The following OPCML variants were observed in gnomAD, a reference collection of about 807,000 sequenced individuals.
OPCML encodes the protein opioid binding protein/cell adhesion molecule like.
In OPCML, 13 loss-of-function variants were observed where a neutral mutation model predicts 37.8. The observed-to-expected ratio is 0.34, with a 90% CI of 0.22 to 0.55. The LOEUF (loss-of-function observed/expected upper bound fraction) is 0.55, where lower values mean the gene tolerates loss of function less well. Among genes scored for constraint, OPCML ranks in the 20% least tolerant of loss-of-function variants. OPCML has a pLI of 0.91. For missense variants in OPCML, 341 were observed against 435.6 expected (o/e 0.78, Z 1.93); for synonymous variants, 176 against 168.8 (o/e 1.04, Z -0.33).
chr11:133,084,741 C>A (rs1948793684), intron 1 of OPCML, among the ~76,000 whole-genome samples: 2 of 152,294 alleles, frequency 1.3e-5, no homozygotes, highest in South Asian at 4.1e-4. Flanking sequence ...AGTATGAGAT[C>A]ACCTGTTATA....
At chr11:133,524,216 C>T (rs1948446601) in intron 1 of OPCML, among the ~76,000 whole-genome samples, 1 of 152,176 alleles carries the variant, frequency 6.6e-6, no homozygotes, top group Admixed American at 6.5e-5. Context: ...TTCAGAATCC[C>T]ACAGCCATAC....
At chr11:133,202,976 G>A (rs149310423) in intron 1 of OPCML, among the ~76,000 whole-genome samples, 3 of 152,294 alleles carry the variant, frequency 2.0e-5, no homozygotes, top group Admixed American at 6.5e-5. Context: ...TGTCAGGGCC[G>A]AGCACGTGAC....
At chr11:132,898,652 TGGAGTCAGGAATCACAGAGTG>T (rs1237504290) in intron 2 of OPCML, among the ~76,000 whole-genome samples, 1 of 152,204 alleles carries the variant, frequency 6.6e-6, no homozygotes, top group Non-Finnish European at 1.5e-5. Context: ...TCAGGATACA[TGGAGTCAGGAATCACAGAGTG>T]GGAGTGTCAC....
At chr11:132,535,337 T>C (rs1210413671) in intron 3 of OPCML, among the ~76,000 whole-genome samples, 1 of 152,070 alleles carries the variant, frequency 6.6e-6, no homozygotes, top group Non-Finnish European at 1.5e-5. Flanking sequence ...TGTTTTCTTT[T>C]AGGGGGTGTC....
chr11:132,690,727 C>G (rs1943367779), intron 2 of OPCML, among the ~76,000 whole-genome samples: 1 of 152,144 alleles, frequency 6.6e-6, no homozygotes, highest in African/African-American at 2.4e-5. Flanking sequence ...TTCTGGGTTA[C>G]AGCATAAAAG....
intron 2 of OPCML, among the ~76,000 whole-genome samples, chr11:132,659,501 G>T (rs918067307): frequency 2.0e-5 from 3 of 152,144 alleles, no homozygotes; most frequent in Non-Finnish European, 4.4e-5. Context: ...TGTTCCAGTC[G>T]CTTCTAGTTG....
chr11:132,632,418 C>T (rs1940209570), intron 3 of OPCML, among the ~76,000 whole-genome samples: 1 of 151,994 alleles, frequency 6.6e-6, no homozygotes. Flanking sequence ...GAGGAGGTGA[C>T]ACTATTTCCA....
intron 1 of OPCML, among the ~76,000 whole-genome samples, chr11:133,529,437 T>C (rs1293806431): frequency 2.0e-5 from 3 of 152,184 alleles, no homozygotes; most frequent in Non-Finnish European, 4.4e-5. Context: ...ACTGTGCCTC[T>C]AGCATGACAA....
At chr11:132,618,094 A>T (rs548470576) in intron 3 of OPCML, among the ~76,000 whole-genome samples, 2 of 152,344 alleles carry the variant, frequency 1.3e-5, no homozygotes, top group Non-Finnish European at 2.9e-5. Context: ...ATATGCAGTT[A>T]TTCAGGAATA....
intron 2 of OPCML, among the ~76,000 whole-genome samples, chr11:132,866,983 G>A (rs1297138290): frequency 6.6e-6 from 1 of 152,174 alleles, no homozygotes; most frequent in Non-Finnish European, 1.5e-5. Flanking sequence ...AACAAGCCCA[G>A]GCTTAGACAG....
chr11:132,601,918 A>G (rs919427981), intron 3 of OPCML, among the ~76,000 whole-genome samples: 1 of 152,286 alleles, frequency 6.6e-6, no homozygotes, highest in Admixed American at 6.5e-5. Flanking sequence ...TCTTGTATCA[A>G]TATTTCCCTA....
intron 1 of OPCML, among the ~76,000 whole-genome samples, chr11:133,279,022 G>A (rs1232443007): frequency 3.3e-5 from 5 of 152,164 alleles, no homozygotes; most frequent in East Asian, 1.9e-4. Flanking sequence ...AAATGCTAGC[G>A]CTTAAACCTG....
At chr11:133,312,687 C>G (rs1174011989) in intron 1 of OPCML, among the ~76,000 whole-genome samples, 2 of 152,156 alleles carry the variant, frequency 1.3e-5, no homozygotes, top group Non-Finnish European at 2.9e-5. Flanking sequence ...CTTTACTTTC[C>G]CTTCTACTAC....
chr11:133,011,036 G>A (rs1947203036), intron 1 of OPCML, among the ~76,000 whole-genome samples: 1 of 152,222 alleles, frequency 6.6e-6, no homozygotes, highest in African/African-American at 2.4e-5. Context: ...TAGGTAAACT[G>A]TTGCAAGTTG....
chr11:133,165,910 G>A (rs1310581036), intron 1 of OPCML, among the ~76,000 whole-genome samples: 2 of 152,190 alleles, frequency 1.3e-5, no homozygotes, highest in Non-Finnish European at 2.9e-5. Flanking sequence ...CTCAATAAAA[G>A]CAATTGAAGA....
At chr11:133,203,308 A>T (rs1470760344) in intron 1 of OPCML, among the ~76,000 whole-genome samples, 1 of 152,264 alleles carries the variant, frequency 6.6e-6, no homozygotes, top group African/African-American at 2.4e-5. Context: ...GCAGAGACCT[A>T]GAGTAGATTC....
chr11:132,787,571 A>C (rs1419720261), intron 2 of OPCML, among the ~76,000 whole-genome samples: 5 of 152,102 alleles, frequency 3.3e-5, no homozygotes, highest in African/African-American at 1.2e-4. Flanking sequence ...TAAAAAAAAA[A>C]GAGTACTTTG....
chr11:133,379,439 A>T (rs1398044486), intron 1 of OPCML, among the ~76,000 whole-genome samples: 1 of 152,176 alleles, frequency 6.6e-6, no homozygotes, highest in Non-Finnish European at 1.5e-5. Flanking sequence ...GCTCATCAGG[A>T]AATTTTGTGA....
intron 1 of OPCML, among the ~76,000 whole-genome samples, chr11:132,995,498 C>A (rs901352196): frequency 1.4e-5 from 2 of 147,368 alleles, no homozygotes; most frequent in African/African-American, 2.4e-5. Context: ...TCCTTCCTTC[C>A]TTTTTTCTTT....
Sources: gnomAD v4.1 joint callset for allele counts (sites outside exome capture counted in the v4.1 genomes callset) on GRCh38, gnomAD v4.1.1 for gene constraint, MANE v1.5 for transcripts, NCBI Gene and HGNC (gene_info 2026-07-23, HGNC 2026-07-21) for gene names.